CD80: variants seen among roughly 807,000 people sequenced by gnomAD.
CD80 encodes CD80 molecule.
A neutral mutation model predicts 27.1 loss-of-function variants in CD80; 13 were observed. The observed-to-expected ratio is 0.48, with a 90% confidence interval of 0.31 to 0.76. The LOEUF (loss-of-function observed/expected upper bound fraction) is 0.76. CD80 is among the 30% of genes least tolerant of loss of function. The pLI is 0.04. For missense variants in CD80, 277 were observed against 347.9 expected, an observed-to-expected ratio of 0.80 and a Z score of 1.62; for synonymous variants, 125 against 125.5, an observed-to-expected ratio of 1.00 and a Z score of 0.03.
chr3:119,539,375 T>C (rs2082155452), intron 3 of CD80, among the ~76,000 whole-genome samples: 1 of 152,090 alleles, frequency 6.6e-6, no homozygotes, highest in African/African-American at 2.4e-5. Flanking sequence ...TTTCAGAAAT[T>C]TGTATATTGT....
At chr3:119,534,881 C>T (rs983792478) in intron 4 of CD80, among the ~76,000 whole-genome samples, 1 of 152,120 alleles carries the variant, frequency 6.6e-6, no homozygotes, top group South Asian at 2.1e-4. Flanking sequence ...GAAATTTTGT[C>T]TCATTGAGGA....
intron 3 of CD80, chr3:119,544,233 A>C (rs1052285931): frequency 5.8e-6 from 2 of 343,920 alleles, no homozygotes; most frequent in African/African-American, 2.1e-5. Context: ...TTGCTGGGTC[A>C]AGTGCAGTTA....
In CD80 at chr3:119,537,369, A is replaced by G; in HGVS notation, c.468T>C (p.Asn156=). The G allele has an allele frequency of 6.2e-7, 1 of 1,613,138 alleles. No homozygotes were observed. The highest frequency in any genetic ancestry group is 8.5e-7 in the Non-Finnish European group (1 of 1,179,070). Residue 156 remains asparagine, a synonymous_variant, in exon 4 of 7, where the codon AAT becomes AAC. Coordinates refer to ENST00000264246, the MANE Select transcript of CD80 (RefSeq NM_005191.4). Reference sequence around the variant, plus strand: ...AGGTTGAGCAAATTATCCTTCTAATATTAGAAGTTGGAATTTCAAAGTCAG... The same window carrying G: ...AGGTTGAGCAAATTATCCTTCTAATGTTAGAAGTTGGAATTTCAAAGTCAG... ...SISDFEIPTS[N]IRRIICSTSG... is the part of the protein sequence containing the mutation.
intron 2 of CD80, among the ~76,000 whole-genome samples, chr3:119,555,097 A>T (rs929340258): frequency 6.6e-6 from 1 of 152,222 alleles, no homozygotes; most frequent in African/African-American, 2.4e-5. Flanking sequence ...AACAGCATTT[A>T]AAAAACTATA....
rs1289230851 is a variant in CD80, at chr3:119,524,886, T to G, written c.*902A>C. ...CTATGGAAAGTTACTACCTTAGACA[T>G]TTGAAGATAGCTTACTGCTTAGTAC... On this transcript the variant is annotated 3_prime_UTR_variant, in exon 7 of 7. Transcript: ENST00000264246. 6.6e-6 allele frequency: 1 copy of G among 152,198 alleles called. No individual in the cohort carries two copies. Among genetic ancestry groups the G allele is most frequent in the Non-Finnish European group, 1.5e-5 (1 of 68,048 alleles). The allele number at this position is 152,198 out of a possible 1,614,324, so 9.4% of individuals were successfully genotyped here. A position where few individuals can be genotyped will look rare whatever the true frequency, so the allele number is the denominator to read the frequency against.
chr3:119,534,377 AAAAAAAAAAGAAAAAG>A (rs2082125513), intron 4 of CD80, among the ~76,000 whole-genome samples: 2 of 150,794 alleles, frequency 1.3e-5, no homozygotes, highest in South Asian at 4.2e-4. Context: ...TGTCTCAAAA[AAAAAAAAAAGAAAAAG>A]AAAAAAAAAA....
chr3:119,555,008 G>A (rs966472851), intron 2 of CD80, among the ~76,000 whole-genome samples: 1 of 152,140 alleles, frequency 6.6e-6, no homozygotes, highest in Admixed American at 6.5e-5. Context: ...AAAGTGTATG[G>A]TGGAGCAGCA....
intron 1 of CD80, 80 bp downstream of exon 1, chr3:119,559,359 GT>G: frequency 6.6e-6 from 1 of 152,298 alleles, no homozygotes; most frequent in East Asian, 1.9e-4. Context: ...CAGAGGTATT[GT>G]TTGTTTAAAA....
chr3:119,549,657 C>A (rs2082220907), intron 2 of CD80, among the ~76,000 whole-genome samples: 1 of 152,202 alleles, frequency 6.6e-6, no homozygotes, highest in Non-Finnish European at 1.5e-5. Flanking sequence ...TACGGCCCCA[C>A]CACAGCACTG....
chr3:119,539,931 G>T (rs1340743973), intron 3 of CD80, among the ~76,000 whole-genome samples: 4 of 152,164 alleles, frequency 2.6e-5, no homozygotes, highest in Non-Finnish European at 5.9e-5. Context: ...AGAATTAAAT[G>T]ACATCGTTCA....
intron 2 of CD80, among the ~76,000 whole-genome samples, chr3:119,556,370 C>G (rs1405664058): frequency 6.6e-6 from 1 of 151,062 alleles, no homozygotes; most frequent in African/African-American, 2.4e-5. Flanking sequence ...CCCTCCCTGC[C>G]CCCCTTATTT....
rs1349889099 is a variant in CD80 at position 119,529,868 on chromosome 3, A to G, written c.770T>C (p.Ile257Thr). 2 of 1,613,230 alleles carry G rather than the reference A, an allele frequency of 1.2e-6. No homozygotes were observed. Among genetic ancestry groups the G allele is most frequent in the Non-Finnish European group, 1.7e-6 (2 of 1,179,290 alleles). ...WAITLISVNG[I>T]FVICCLTYCF... ...GTAGGTCAGGCAGCATATCACAAAA[A>G]TTCCATTTACTGAGATTAAGGTAAT... Residue 257 changes from isoleucine to threonine, a missense_variant, in exon 5 of 7, where the codon ATT becomes ACT. By Grantham distance (89) the Ile-to-Thr change is moderately conservative. Coordinates refer to ENST00000264246, the MANE Select transcript of CD80 (RefSeq NM_005191.4).
chr3:119,548,164 A>G (rs1017854971), intron 2 of CD80, among the ~76,000 whole-genome samples: 15 of 152,046 alleles, frequency 9.9e-5, no homozygotes, highest in African/African-American at 3.4e-4. Flanking sequence ...TATTTTTAGT[A>G]GAGACAGGGT....
intron 3 of CD80, among the ~76,000 whole-genome samples, chr3:119,538,637 T>C (rs1276714200): frequency 2.7e-5 from 4 of 150,602 alleles, no homozygotes; most frequent in Non-Finnish European, 5.9e-5. Flanking sequence ...CCTTTGAACA[T>C]TGACTCTTAA....
At chr3:119,528,287 T>A (rs1462053965) in intron 5 of CD80, among the ~76,000 whole-genome samples, 1 of 152,158 alleles carries the variant, frequency 6.6e-6, no homozygotes. Flanking sequence ...GCACATACTC[T>A]CTAAAGAATT....
chr3:119,534,587 T>C (rs2082126852), intron 4 of CD80, among the ~76,000 whole-genome samples: 1 of 152,104 alleles, frequency 6.6e-6, no homozygotes, highest in African/African-American at 2.4e-5. Flanking sequence ...GTCACATATA[T>C]CCATATTCCA....
chr3:119,528,452 C>T (rs890473500), intron 5 of CD80, among the ~76,000 whole-genome samples: 3 of 152,182 alleles, frequency 2.0e-5, no homozygotes, highest in East Asian at 3.9e-4. Flanking sequence ...ATAGAACTAG[C>T]AGTTCCTCTT....
rs76101511 is a variant in CD80 at position 119,530,401 on chromosome 3, G to T, written c.701-464C>A. On this transcript the variant is annotated intron_variant, in intron 4 of 6. Coordinates refer to ENST00000264246, the MANE Select transcript of CD80 (RefSeq NM_005191.4). ...CACACACCCTTACCTCACAGTAGCT[G>T]CCCTAAAGCTACAGGAGCCACTTTG... Among the ~76,000 whole-genome samples, 171 of 152,216 alleles carry T rather than the reference G, an allele frequency of 1.1e-3. 4 individuals carry two copies. The East Asian group carries it at 0.031, about 28-fold the overall frequency.
intron 3 of CD80, among the ~76,000 whole-genome samples, chr3:119,538,540 T>C (rs921223903): frequency 5.3e-5 from 8 of 152,202 alleles, no homozygotes; most frequent in African/African-American, 1.9e-4. Context: ...TAGCATTTCC[T>C]TGCTTTTTAA....
Sources: allele counts gnomAD v4.1 joint callset (sites outside exome capture counted in the v4.1 genomes callset), GRCh38; gene constraint gnomAD v4.1.1; transcripts MANE v1.5; gene names NCBI Gene and HGNC (gene_info 2026-07-23, HGNC 2026-07-21).